CSRNP3: variants seen among roughly 807,000 people sequenced by gnomAD.
CSRNP3 encodes the protein cysteine/serine-rich nuclear protein 3.
CSRNP3 carries 12 observed loss-of-function variants against 48.0 expected under a neutral mutation model. The ratio of observed to expected loss-of-function variants is 0.25; its 90% confidence interval spans 0.16 to 0.41. The LOEUF (loss-of-function observed/expected upper bound fraction) is 0.41. CSRNP3 is among the 10% of genes least tolerant of loss of function. CSRNP3 has a pLI of 1.00. For missense variants in CSRNP3, 580 were observed against 724.4 expected (o/e 0.80, Z 2.29); for synonymous variants, 263 against 269.7 (o/e 0.98, Z 0.24).
Position 165,679,426 on chromosome 2 carries a change from C to T in CSRNP3, c.1431C>T (p.Phe477=), listed in dbSNP as rs755356867. ...CTTACACCATGACCCCGGAGCAATT[C>T]GTTGACTATGCCCGACAAGCAGAAG... ...LVPYTMTPEQ[F]VDYARQAEEA... is the part of the protein sequence containing the mutation. The change falls in exon 7 of 7, where the codon TTC becomes TTT. Residue 477 remains phenylalanine, a synonymous_variant. Coordinates refer to ENST00000651982, the MANE Select transcript of CSRNP3 (RefSeq NM_001172173.2). 6.8e-5 allele frequency: 110 copies of T among 1,612,832 alleles called. No homozygotes were observed. The highest frequency in any genetic ancestry group is 1.6e-4 in the Middle Eastern group (1 of 6,080).
At chr2:165,648,901 A>T (rs929209165) in intron 4 of CSRNP3, among the ~76,000 whole-genome samples, 3 of 152,186 alleles carry the variant, frequency 2.0e-5, no homozygotes, top group African/African-American at 7.2e-5. Context: ...TTTTCAGTAG[A>T]TGAGTATTCG....
Position 165,527,199 on chromosome 2 carries a change from C to CTTTT in CSRNP3, c.-24+9260_-24+9263dup, listed in dbSNP as rs535826285. 5.4e-4 allele frequency among the ~76,000 whole-genome samples: 47 copies of CTTTT among 87,272 alleles called. 4 individuals carry two copies. Among genetic ancestry groups the CTTTT allele is most frequent in the African/African-American group, 1.0e-3 (22 of 21,904 alleles). 57.3% of individuals were successfully genotyped at this position (87,272 alleles called of 152,430 possible). On this transcript the variant is annotated intron_variant, in intron 3 of 6. Coordinates refer to ENST00000651982, the MANE Select transcript of CSRNP3 (RefSeq NM_001172173.2). ...CACTTAAAGTATGACGCTGTTTGTACTTTTTTTTTTTTTTTTTTTTTTTTT... is the reference window on the plus strand; with the variant it reads ...CACTTAAAGTATGACGCTGTTTGTACTTTTTTTTTTTTTTTTTTTTTTTTTTTTT...
At chr2:165,653,771 A>G (rs1686955416) in intron 4 of CSRNP3, among the ~76,000 whole-genome samples, 1 of 152,024 alleles carries the variant, frequency 6.6e-6, no homozygotes, top group South Asian at 2.1e-4. Flanking sequence ...CAGGAGTTCG[A>G]GAACAGCCTG....
intron 2 of CSRNP3, among the ~76,000 whole-genome samples, chr2:165,508,291 T>C (rs1424587226): frequency 6.6e-6 from 1 of 152,102 alleles, no homozygotes; most frequent in African/African-American, 2.4e-5. Context: ...ATTAATTTTA[T>C]ATTTAAAAGT....
intron 3 of CSRNP3, among the ~76,000 whole-genome samples, chr2:165,580,298 G>A (rs1043003709): frequency 1.3e-5 from 2 of 152,062 alleles, no homozygotes; most frequent in Non-Finnish European, 2.9e-5. Flanking sequence ...TTACATTTCC[G>A]TAGAACATTT....
At chr2:165,529,845 A>C (rs1342406924) in intron 3 of CSRNP3, among the ~76,000 whole-genome samples, 2 of 152,200 alleles carry the variant, frequency 1.3e-5, no homozygotes, top group Non-Finnish European at 2.9e-5. Context: ...CCTGTCTATA[A>C]AGGTATTTGT....
At chr2:165,483,459 C>T (rs1404974612) in intron 1 of CSRNP3, among the ~76,000 whole-genome samples, 1 of 152,126 alleles carries the variant, frequency 6.6e-6, no homozygotes, top group Non-Finnish European at 1.5e-5. Context: ...TAATAACTTA[C>T]AATTTTCTAC....
At chr2:165,555,250 C>T (rs905251536) in intron 3 of CSRNP3, among the ~76,000 whole-genome samples, 2 of 152,176 alleles carry the variant, frequency 1.3e-5, no homozygotes, top group African/African-American at 4.8e-5. Context: ...TGCTTTGTCC[C>T]CTTTTTCTCC....
At chr2:165,668,845 C>G (rs757738814) in intron 5 of CSRNP3, among the ~76,000 whole-genome samples, 12 of 152,142 alleles carry the variant, frequency 7.9e-5, no homozygotes, top group Non-Finnish European at 1.2e-4. Flanking sequence ...TCTACCATTG[C>G]TCTTAAGAAT....
At chr2:165,566,281 C>A (rs962240560) in intron 3 of CSRNP3, among the ~76,000 whole-genome samples, 1 of 151,914 alleles carries the variant, frequency 6.6e-6, no homozygotes, top group African/African-American at 2.4e-5. Context: ...GCCTCAATAT[C>A]TGTGTACATT....
chr2:165,508,668 G>T (rs1684460303), intron 2 of CSRNP3, among the ~76,000 whole-genome samples: 1 of 151,710 alleles, frequency 6.6e-6, no homozygotes, highest in African/African-American at 2.4e-5. Context: ...TTTCTCTGAG[G>T]GTTTTCTGTC....
At chr2:165,576,019 A>G (rs1357071675) in intron 3 of CSRNP3, among the ~76,000 whole-genome samples, 1 of 151,344 alleles carries the variant, frequency 6.6e-6, no homozygotes, top group Non-Finnish European at 1.5e-5. Flanking sequence ...CCTCTGGTCC[A>G]AACAATATTT....
intron 5 of CSRNP3, among the ~76,000 whole-genome samples, chr2:165,670,098 A>T (rs767636226): frequency 2.6e-5 from 4 of 152,230 alleles, no homozygotes; most frequent in Non-Finnish European, 4.4e-5. Flanking sequence ...GATAATTTAT[A>T]GGTCAATGAC....
At chr2:165,470,011 CA>C (rs1683871107) in intron 1 of CSRNP3, among the ~76,000 whole-genome samples, 1 of 151,992 alleles carries the variant, frequency 6.6e-6, no homozygotes, top group Non-Finnish European at 1.5e-5. Context: ...GTCACTGAAG[CA>C]AAATTAATAG....
intron 4 of CSRNP3, among the ~76,000 whole-genome samples, chr2:165,618,234 T>G (rs190989212): frequency 4.6e-5 from 7 of 152,320 alleles, no homozygotes; most frequent in African/African-American, 1.4e-4. Context: ...TTTCTTGCAG[T>G]GGGGACTCCA....
At chr2:165,561,891 T>C (rs1685238567) in intron 3 of CSRNP3, among the ~76,000 whole-genome samples, 1 of 152,148 alleles carries the variant, frequency 6.6e-6, no homozygotes, top group African/African-American at 2.4e-5. Flanking sequence ...GTATTTATTA[T>C]GTTAAATACT....
intron 5 of CSRNP3, among the ~76,000 whole-genome samples, chr2:165,658,325 A>G (rs1052382034): frequency 8.5e-5 from 13 of 152,214 alleles, no homozygotes; most frequent in African/African-American, 2.9e-4. Flanking sequence ...CTCTATAGGA[A>G]CTTATAGAAT....
intron 1 of CSRNP3, among the ~76,000 whole-genome samples, chr2:165,482,727 C>A (rs1303215413): frequency 6.6e-6 from 1 of 152,212 alleles, no homozygotes; most frequent in Non-Finnish European, 1.5e-5. Context: ...GTTTCTTCCA[C>A]CTCTTGCTTG....
chr2:165,494,043 G>T (rs1048515610), intron 1 of CSRNP3, among the ~76,000 whole-genome samples: 22 of 152,046 alleles, frequency 1.4e-4, no homozygotes, highest in African/African-American at 5.1e-4. Context: ...GGCTACATAT[G>T]ACTGGCTTTC....
Sources: gnomAD v4.1 joint callset for allele counts (sites outside exome capture counted in the v4.1 genomes callset) on GRCh38, gnomAD v4.1.1 for gene constraint, MANE v1.5 for transcripts, NCBI Gene and HGNC (gene_info 2026-07-23, HGNC 2026-07-21) for gene names.